GRIP1: variants seen among roughly 807,000 people sequenced by gnomAD.
The protein encoded by GRIP1 is glutamate receptor interacting protein 1, also known as glutamate receptor-interacting protein 1.
A neutral mutation model predicts 129.9 loss-of-function variants in GRIP1; 45 were observed. The observed-to-expected ratio is 0.35, with a 90% CI of 0.27 to 0.44. The LOEUF is 0.44. GRIP1 is among the 20% of genes least tolerant of loss of function. The pLI, the probability that GRIP1 is intolerant of heterozygous loss-of-function variation, is 1.00. For missense variants in GRIP1, 1,196 were observed against 1,396.8 expected, an observed-to-expected ratio of 0.86 and a Z score of 2.29; for synonymous variants, 530 against 520.8, an observed-to-expected ratio of 1.02 and a Z score of -0.24.
chr12:66,732,137 C>T (rs902993123), intron 1 of GRIP1, among the ~76,000 whole-genome samples: 2 of 152,108 alleles, frequency 1.3e-5, no homozygotes. Context: ...ACACCTGCTC[C>T]TCTTGCCTCC....
chr12:67,044,033 A>G (rs73318936), intron 1 of GRIP1, among the ~76,000 whole-genome samples: 4,211 of 152,258 alleles, frequency 0.028, 208 homozygotes, highest in African/African-American at 0.096. Context: ...ACCTTTTATA[A>G]TAGAGCCATG....
chr12:66,660,054 T>A (rs954439641), intron 1 of GRIP1, among the ~76,000 whole-genome samples: 1 of 152,182 alleles, frequency 6.6e-6, no homozygotes. Flanking sequence ...AACTAAAGTA[T>A]CTACTGTTTT....
chr12:66,731,773 A>AT (rs1163053909), intron 1 of GRIP1, among the ~76,000 whole-genome samples: 9 of 152,226 alleles, frequency 5.9e-5, no homozygotes, highest in Non-Finnish European at 1.5e-5. Flanking sequence ...TATGTTATGT[A>AT]TATTTAATCA....
chr12:66,397,094 G>A (rs1234782935), intron 16 of GRIP1, among the ~76,000 whole-genome samples: 8 of 116,212 alleles, frequency 6.9e-5, no homozygotes, highest in Non-Finnish European at 1.3e-4. Context: ...CTGGGCGATG[G>A]AGCGAGACTC....
chr12:66,580,296 C>T (rs1466260742), intron 2 of GRIP1, among the ~76,000 whole-genome samples: 1 of 151,142 alleles, frequency 6.6e-6, no homozygotes, highest in Admixed American at 6.6e-5. Context: ...CCAGCTGCTG[C>T]AAAATCATGC....
intron 1 of GRIP1, among the ~76,000 whole-genome samples, chr12:66,888,527 T>C (rs768299382): frequency 3.3e-5 from 5 of 152,176 alleles, no homozygotes; most frequent in African/African-American, 4.8e-5. Flanking sequence ...GCACAGCTAA[T>C]TTTCACATTA....
chr12:66,640,670 T>C (rs1031320506), intron 1 of GRIP1, among the ~76,000 whole-genome samples: 5 of 152,186 alleles, frequency 3.3e-5, no homozygotes, highest in East Asian at 1.9e-4. Context: ...TAGGCCATTA[T>C]AGCATTACTG....
At chr12:67,028,200 C>A (rs2135766839) in intron 1 of GRIP1, among the ~76,000 whole-genome samples, 1 of 152,340 alleles carries the variant, frequency 6.6e-6, no homozygotes, top group East Asian at 1.9e-4. Context: ...CTGTCTCCAT[C>A]CCTGGTTTCT....
At chr12:67,026,109 A>C (rs2042938723) in intron 1 of GRIP1, among the ~76,000 whole-genome samples, 1 of 152,194 alleles carries the variant, frequency 6.6e-6, no homozygotes, top group Non-Finnish European at 1.5e-5. Context: ...CCTGTAATGC[A>C]ATTTAATTTT....
chr12:66,362,023 A>G (rs1174189098), intron 23 of GRIP1, among the ~76,000 whole-genome samples: 1 of 151,436 alleles, frequency 6.6e-6, no homozygotes, highest in African/African-American at 2.4e-5. Flanking sequence ...TTATTTCCCC[A>G]CTGTAGAAAT....
Position 66,827,387 on chromosome 12 carries a change from TGA to T in GRIP1, c.59-230462_59-230461del, listed in dbSNP as rs112366252. The stretch of plus-strand genomic sequence containing the variant: ...AGGTGTGTGTGTGTGTGTGTGTGTG[TGA>T]GAGAGAGAGAGAGAGAGAGAGAGAG... On this transcript the variant is annotated intron_variant, in intron 1 of 1. Coordinates refer to the GRIP1 transcript ENST00000643019. 3.0e-3 allele frequency among the ~76,000 whole-genome samples: 328 copies of T among 108,126 alleles called. 3 individuals carry two copies. The highest frequency in any genetic ancestry group is 4.7e-3 in the East Asian group (13 of 2,754). 70.9% of individuals were successfully genotyped at this position (108,126 alleles called of 152,430 possible).
chr12:66,619,939 A>T (rs1040442626), intron 1 of GRIP1, among the ~76,000 whole-genome samples: 1 of 152,216 alleles, frequency 6.6e-6, no homozygotes, highest in African/African-American at 2.4e-5. Flanking sequence ...ACTGCCTCTT[A>T]AAAACCTCTA....
chr12:66,572,675 C>T (rs1431564895), intron 2 of GRIP1, among the ~76,000 whole-genome samples: 1 of 152,182 alleles, frequency 6.6e-6, no homozygotes, highest in Admixed American at 6.5e-5. Flanking sequence ...TGGCTCAACG[C>T]CTATTTCCAT....
At chr12:66,704,395 T>C (rs1230473799) in intron 1 of GRIP1, among the ~76,000 whole-genome samples, 4 of 152,028 alleles carry the variant, frequency 2.6e-5, no homozygotes, top group Non-Finnish European at 4.4e-5. Flanking sequence ...AAAATGTTAA[T>C]ATTATTCTAT....
intron 1 of GRIP1, among the ~76,000 whole-genome samples, chr12:66,814,606 A>AAAAAAAAAC (rs2039170257): frequency 6.7e-6 from 1 of 148,344 alleles, no homozygotes. Context: ...AAAAAAAAAA[A>AAAAAAAAAC]GCAATGACCA....
At chr12:66,985,185 C>T (rs2042293943) in intron 1 of GRIP1, among the ~76,000 whole-genome samples, 3 of 152,134 alleles carry the variant, frequency 2.0e-5, no homozygotes. Context: ...CTTTAGAAGC[C>T]ACATAGTATC....
chr12:66,846,324 G>C (rs1246452423), intron 1 of GRIP1, among the ~76,000 whole-genome samples: 1 of 152,078 alleles, frequency 6.6e-6, no homozygotes, highest in East Asian at 1.9e-4. Flanking sequence ...CCACAATCCA[G>C]GGCCTCTTCC....
upstream of GRIP1, among the ~76,000 whole-genome samples, chr12:66,806,551 A>G (rs1411574845): frequency 1.3e-5 from 2 of 152,196 alleles, no homozygotes; most frequent in East Asian, 1.9e-4. Context: ...TCCCAGTTCA[A>G]TCTAAAAGGA....
chr12:66,553,472 A>G (rs1359439113), intron 2 of GRIP1, among the ~76,000 whole-genome samples: 1 of 152,040 alleles, frequency 6.6e-6, no homozygotes, highest in Non-Finnish European at 1.5e-5. Flanking sequence ...TTTATATTCT[A>G]TTAAAAAATA....
Sources: allele counts gnomAD v4.1 joint callset (sites outside exome capture counted in the v4.1 genomes callset), GRCh38; gene constraint gnomAD v4.1.1; transcripts MANE v1.5; gene names NCBI Gene and HGNC (gene_info 2026-07-23, HGNC 2026-07-21).